NR1H4: variants seen among roughly 807,000 people sequenced by gnomAD.
NR1H4 encodes the protein bile acid receptor.
In NR1H4, 23 loss-of-function variants were observed where a neutral mutation model predicts 58.5. The ratio of observed to expected loss-of-function variants is 0.39; its 90% CI spans 0.28 to 0.56. The LOEUF (loss-of-function observed/expected upper bound fraction) is 0.56, where lower values mean the gene tolerates loss of function less well. Ranked by LOEUF, NR1H4 falls within the 20% of genes least tolerant of loss-of-function variation. NR1H4 has a pLI of 0.58. For missense variants in NR1H4, 487 were observed against 576.9 expected, an observed-to-expected ratio of 0.84 and a Z score of 1.60; for synonymous variants, 214 against 198.0, an observed-to-expected ratio of 1.08 and a Z score of -0.68.
intron 9 of NR1H4, among the ~76,000 whole-genome samples, chr12:100,549,620 A>G (rs984143308): frequency 3.3e-5 from 5 of 152,286 alleles, no homozygotes; most frequent in African/African-American, 1.2e-4. Flanking sequence ...CATAAGTTTC[A>G]GAACTTGTGA....
intron 9 of NR1H4, among the ~76,000 whole-genome samples, chr12:100,556,952 T>C (rs560612629): frequency 1.1e-4 from 17 of 152,348 alleles, no homozygotes; most frequent in African/African-American, 3.8e-4. Context: ...CACTGTAAGA[T>C]AGAGAAAAAT....
At chr12:100,562,159 C>T (rs1181531988) in intron 10 of NR1H4, among the ~76,000 whole-genome samples, 161 bp downstream of exon 10, 1 of 152,140 alleles carries the variant, frequency 6.6e-6, no homozygotes, top group African/African-American at 2.4e-5. Context: ...TTTCAGTGCA[C>T]TTCTTTTCAG....
chr12:100,513,842 AAGGAAGGAAG>A (rs2136169782), intron 4 of NR1H4, among the ~76,000 whole-genome samples: 1 of 143,230 alleles, frequency 7.0e-6, no homozygotes, highest in East Asian at 2.5e-4. Context: ...GGAAGGAAGG[AAGGAAGGAAG>A]GAAGGAAGGA....
chr12:100,538,957 C>T (rs1432924106), intron 8 of NR1H4, among the ~76,000 whole-genome samples: 1 of 152,072 alleles, frequency 6.6e-6, no homozygotes, highest in Admixed American at 6.6e-5. Context: ...AGAGTAAAAA[C>T]TGTGGAGGAA....
At chr12:100,494,235 T>A (rs1953663558) in intron 3 of NR1H4, among the ~76,000 whole-genome samples, 1 of 152,190 alleles carries the variant, frequency 6.6e-6, no homozygotes, top group Admixed American at 6.6e-5. Flanking sequence ...TTGCTGATAT[T>A]CCTAGGACCT....
intron 9 of NR1H4, among the ~76,000 whole-genome samples, chr12:100,546,209 T>G (rs1342290272): frequency 1.3e-5 from 2 of 152,144 alleles, no homozygotes; most frequent in African/African-American, 4.8e-5. Context: ...GGCTAACATT[T>G]TGCTTCACGA....
chr12:100,543,217 G>C (rs763993274), intron 9 of NR1H4, among the ~76,000 whole-genome samples: 1 of 152,090 alleles, frequency 6.6e-6, no homozygotes, highest in Non-Finnish European at 1.5e-5. Context: ...CTGAATTGAG[G>C]GTTACATTAA....
At position 100,510,607 on chromosome 12, in the gene NR1H4, T is replaced by TTATATATA. The variant is rs34480475; in HGVS notation, c.80-150_80-143dup. 7.3e-3 allele frequency among the ~76,000 whole-genome samples: 981 copies of TTATATATA among 133,636 alleles called. 5 individuals carry two copies. The highest frequency in any genetic ancestry group is 0.013 in the African/African-American group (470 of 35,768). The allele number at this position is 133,636 out of a possible 152,430, so 87.7% of individuals were successfully genotyped here. On this transcript the variant is annotated intron_variant, in intron 3 of 10. Coordinates refer to ENST00000392986, the MANE Select transcript of NR1H4 (RefSeq NM_001206979.2). ...TGAATTTTTAATTTGTCATTTAATT[T>TTATATATA]TATATATATATATATATATATATAT...
At chr12:100,520,748 C>G (rs1954395138) in intron 4 of NR1H4, among the ~76,000 whole-genome samples, 1 of 152,222 alleles carries the variant, frequency 6.6e-6, no homozygotes, top group Admixed American at 6.5e-5. Flanking sequence ...CTTGCTTCTC[C>G]TTTCCAAAAG....
chr12:100,490,001 G>A (rs1285456872), intron 1 of NR1H4, among the ~76,000 whole-genome samples: 1 of 152,144 alleles, frequency 6.6e-6, no homozygotes, highest in Non-Finnish European at 1.5e-5. Flanking sequence ...GCAGAATTAG[G>A]GGAACTGGAC....
At position 100,563,668 on chromosome 12, in the gene NR1H4, C is replaced by A; in HGVS notation, c.*179C>A. ...ATTGGGCTAGATAGAACAACTTTCT[C>A]TACATTGTGTTTTAAAAGGCTCCAG... On this transcript the variant is annotated 3_prime_UTR_variant, in exon 11 of 11. Coordinates refer to ENST00000392986, the MANE Select transcript of NR1H4 (RefSeq NM_001206979.2). The A allele has an allele frequency of 1.6e-6, 1 of 614,454 alleles. No homozygotes were observed. Among genetic ancestry groups the A allele is most frequent in the Non-Finnish European group, 2.9e-6 (1 of 348,208 alleles). The allele number at this position is 614,454 out of a possible 1,614,324, so 38.1% of individuals were successfully genotyped here.
intron 4 of NR1H4, among the ~76,000 whole-genome samples, chr12:100,525,894 G>A (rs74361877): frequency 0.018 from 2,701 of 152,192 alleles, 64 homozygotes; most frequent in African/African-American, 0.055. Context: ...ATCTAAGTTA[G>A]CAAATTAGCA....
chr12:100,482,233 G>A (rs964680110), intron 1 of NR1H4, among the ~76,000 whole-genome samples: 1 of 152,038 alleles, frequency 6.6e-6, no homozygotes, highest in African/African-American at 2.4e-5. Context: ...AATAAAAATG[G>A]TTACCATTCA....
intron 1 of NR1H4, among the ~76,000 whole-genome samples, chr12:100,483,656 C>A (rs908660240): frequency 2.0e-4 from 30 of 152,138 alleles, no homozygotes; most frequent in African/African-American, 6.5e-4. Context: ...AACGTTTTTT[C>A]TTTTCCTAGA....
intron 9 of NR1H4, among the ~76,000 whole-genome samples, chr12:100,559,765 G>C (rs1264809862): frequency 1.1e-4 from 16 of 152,366 alleles, no homozygotes; most frequent in African/African-American, 3.6e-4. Flanking sequence ...TGAGGAATGC[G>C]AGCGCAGGGC....
intron 3 of NR1H4, among the ~76,000 whole-genome samples, chr12:100,508,623 T>G (rs1954029022): frequency 6.6e-6 from 1 of 152,138 alleles, no homozygotes; most frequent in African/African-American, 2.4e-5. Context: ...GGGTTAATAA[T>G]GTTACCCACC....
intron 9 of NR1H4, among the ~76,000 whole-genome samples, chr12:100,543,793 T>A (rs1954993571): frequency 6.6e-6 from 1 of 152,182 alleles, no homozygotes; most frequent in Non-Finnish European, 1.5e-5. Flanking sequence ...AAGGACAGGC[T>A]GAATTTTCAC....
chr12:100,475,804 C>T (rs1017700047), intron 1 of NR1H4, among the ~76,000 whole-genome samples: 1 of 152,172 alleles, frequency 6.6e-6, no homozygotes, highest in African/African-American at 2.4e-5. Flanking sequence ...GGCGCTATAT[C>T]GGCTCACTGC....
intron 1 of NR1H4, among the ~76,000 whole-genome samples, chr12:100,475,944 G>C (rs1953260091): frequency 6.6e-6 from 1 of 152,142 alleles, no homozygotes; most frequent in Non-Finnish European, 1.5e-5. Context: ...ATGTTGGCCA[G>C]ACTGGTCTCG....
Sources: gnomAD v4.1 joint callset for allele counts (sites outside exome capture counted in the v4.1 genomes callset) on GRCh38, gnomAD v4.1.1 for gene constraint, MANE v1.5 for transcripts, NCBI Gene and HGNC (gene_info 2026-07-23, HGNC 2026-07-21) for gene names.